IGLON5: variants seen among roughly 807,000 people sequenced by gnomAD.
The protein encoded by IGLON5 is Ig-like domain-containing protein ENSP00000270642.
A neutral mutation model predicts 38.2 loss-of-function variants in IGLON5; 16 were observed. The observed-to-expected ratio is 0.42, with a 90% confidence interval of 0.28 to 0.64. IGLON5 has a LOEUF of 0.64. Ranked by LOEUF, IGLON5 falls within the 30% of genes least tolerant of loss-of-function variation. The pLI, the probability that IGLON5 is intolerant of heterozygous loss-of-function variation, is 0.23. For missense variants in IGLON5, 366 were observed against 483.4 expected (o/e 0.76, Z 2.28); for synonymous variants, 207 against 216.4 (o/e 0.96, Z 0.38).
intron 2 of IGLON5, among the ~76,000 whole-genome samples, 162 bp downstream of exon 2, chr19:51,322,304 C>T (rs980379023): frequency 1.3e-5 from 2 of 152,130 alleles, no homozygotes; most frequent in Non-Finnish European, 2.9e-5. Flanking sequence ...CTGGCTCCCC[C>T]TCGGCTTCAG....
At chr19:51,328,386 C>T (rs753251732) in intron 7 of IGLON5, among the ~76,000 whole-genome samples, 8 of 150,942 alleles carry the variant, frequency 5.3e-5, no homozygotes, top group Non-Finnish European at 1.2e-4. Context: ...GTGATGGGCA[C>T]CTGTGGTCCT....
intron 2 of IGLON5, among the ~76,000 whole-genome samples, chr19:51,322,465 GAGATCCAGAGAGAA>G (rs1267623503): frequency 6.7e-5 from 10 of 148,898 alleles, no homozygotes; most frequent in Admixed American, 4.0e-4. Flanking sequence ...GAAGGGGACA[GAGATCCAGAGAGAA>G]GGGGACAGAG....
At chr19:51,326,737 G>A in intron 4 of IGLON5, 27 bp from the exon 5 acceptor site, 2 of 1,463,476 alleles carry the variant, frequency 1.4e-6, no homozygotes, top group Non-Finnish European at 1.8e-6. Flanking sequence ...GTCCGGCCCC[G>A]CCCCCTCCTC....
intron 1 of IGLON5, among the ~76,000 whole-genome samples, chr19:51,321,058 C>T (rs933759445): frequency 6.6e-6 from 1 of 152,102 alleles, no homozygotes; most frequent in South Asian, 2.1e-4. Context: ...TGTATCTGTG[C>T]ATAAGTGTTC....
At chr19:51,319,799 G>T (rs1396467009) in intron 1 of IGLON5, among the ~76,000 whole-genome samples, 1 of 152,070 alleles carries the variant, frequency 6.6e-6, no homozygotes, top group Non-Finnish European at 1.5e-5. Context: ...ATACACACCT[G>T]TCCCTCTGAG....
At chr19:51,315,485 G>A (rs555083462) in intron 1 of IGLON5, among the ~76,000 whole-genome samples, 28 of 152,240 alleles carry the variant, frequency 1.8e-4, no homozygotes, top group African/African-American at 4.3e-4. Flanking sequence ...CTGTCCTCAC[G>A]GAGCTTAGAT....
Position 51,323,752 on chromosome 19 carries a change from G to T in IGLON5, c.249G>T (p.Pro83=). The part of the protein sequence containing the change: ...YAGNDRWTSD[P]RVRLLINTPE... ...GCAATGACCGCTGGACCAGCGACCC[G>T]CGGGTGCGGCTGCTCATCAACACCC... is the stretch of plus-strand genomic sequence containing the variant. The change falls in exon 3 of 8, where the codon CCG becomes CCT. Residue 83 remains proline (P), a synonymous_variant. Transcript: ENST00000270642. 6.2e-7 allele frequency: 1 copy of T among 1,613,922 alleles called. No homozygotes were observed. The highest frequency in any genetic ancestry group is 8.5e-7 in the Non-Finnish European group (1 of 1,179,886).
intron 1 of IGLON5, among the ~76,000 whole-genome samples, chr19:51,313,684 TTTCTTTCTTTC>T (rs780412566): frequency 0.13 from 11,007 of 87,462 alleles, 632 homozygotes; most frequent in Middle Eastern, 0.23. Flanking sequence ...TCTTTCTTTC[TTTCTTTCTTTC>T]TTCTTTCTTC....
intron 5 of IGLON5, 87 bp from the exon 6 acceptor site, chr19:51,326,993 A>G (rs1985233200): frequency 3.2e-6 from 5 of 1,584,280 alleles, no homozygotes; most frequent in Non-Finnish European, 4.3e-6. Flanking sequence ...GGCGAGACTT[A>G]CGGGCCTGAG....
In IGLON5 at chr19:51,323,776, C is replaced by A; in HGVS notation, c.273C>A (p.Thr91=). ...CGCGGGTGCGGCTGCTCATCAACAC[C>A]CCCGAGGAGTTCTCCATCCTCATCA... ...SDPRVRLLIN[T]PEEFSILITE... The change falls in exon 3 of 8, where the codon ACC becomes ACA. Residue 91 remains threonine (T), a synonymous_variant. Coordinates refer to ENST00000270642, the MANE Select transcript of IGLON5 (RefSeq NM_001101372.3). 1 of 1,613,950 alleles carries A rather than the reference C, an allele frequency of 6.2e-7. No individual in the cohort carries two copies. The highest frequency in any genetic ancestry group is 8.5e-7 in the Non-Finnish European group (1 of 1,179,872).
Position 51,327,287 on chromosome 19 carries a change from G to T in IGLON5, c.767+87G>T. ...GTGAGGCAGGGGGACGGAGCGGGGC[G>T]GGGGAAGGCAGCAGAGCTCTGGGTC... is the stretch of plus-strand genomic sequence containing the variant. On this transcript the variant is annotated intron_variant, in intron 6 of 7. Coordinates refer to ENST00000270642, the MANE Select transcript of IGLON5 (RefSeq NM_001101372.3). This position sits in a 1 kb window ranked among gnomAD's most constrained non-coding sequence, Gnocchi z 7.1. 11 of 1,522,804 alleles carry T rather than the reference G, an allele frequency of 7.2e-6. No individual in the cohort carries two copies. The highest frequency in any genetic ancestry group is 9.7e-6 in the Non-Finnish European group (11 of 1,130,282). The allele number at this position is 1,522,804 out of a possible 1,614,324, so 94.3% of individuals were successfully genotyped here.
intron 2 of IGLON5, 77 bp from the exon 3 acceptor site, chr19:51,323,585 T>G: frequency 7.8e-7 from 1 of 1,288,954 alleles, no homozygotes; most frequent in Non-Finnish European, 1.1e-6. Flanking sequence ...GGCCTCCTTC[T>G]CCCACCCACC....
chr19:51,325,749 T>C lies in IGLON5; in HGVS notation c.511+284T>C, dbSNP rs1338110394. 6.6e-6 allele frequency among the ~76,000 whole-genome samples: 1 copy of C among 151,954 alleles called. No individual in the cohort carries two copies. The highest frequency in any genetic ancestry group is 1.5e-5 in the Non-Finnish European group (1 of 67,996). On this transcript the variant is annotated intron_variant, in intron 4 of 7. Transcript: ENST00000270642. The surrounding 1 kb of genome is among the most constrained non-coding windows in gnomAD (Gnocchi z 5.5). ...CCCCAACCCCAGTGTCCCCGATGTC[T>C]CCCCACGCGCTCACAGCATTCTCCT...
intron 1 of IGLON5, among the ~76,000 whole-genome samples, chr19:51,315,688 CTTTTT>C (rs756194855): frequency 6.4e-4 from 53 of 82,590 alleles, no homozygotes; most frequent in Admixed American, 6.8e-4. Context: ...GGAAGTCAAC[CTTTTT>C]TTTTTTTTTT....
In IGLON5 at chr19:51,324,731, C is replaced by A. The variant is rs1412604075; in HGVS notation, c.392-615C>A. Among the ~76,000 whole-genome samples, 1 of 151,632 alleles carries A rather than the reference C, an allele frequency of 6.6e-6. No individual in the cohort carries two copies. Among genetic ancestry groups the A allele is most frequent in the Non-Finnish European group, 1.5e-5 (1 of 67,990 alleles). On this transcript the variant is annotated intron_variant, in intron 3 of 7. Transcript: ENST00000270642. This position sits in a 1 kb window ranked among gnomAD's most constrained non-coding sequence, Gnocchi z 4.2. The stretch of plus-strand genomic sequence containing the variant: ...TACTAGAAAAGAAAAAACAAAAACA[C>A]TGCCAGCGATACCCTGGCATCCTAT...
intron 1 of IGLON5, 32 bp downstream of exon 1, chr19:51,311,958 C>A: frequency 8.2e-7 from 1 of 1,213,638 alleles, no homozygotes; most frequent in Non-Finnish European, 1.1e-6. Context: ...GGGGCTCGGC[C>A]GGGACGCCAG....
intron 7 of IGLON5, 146 bp downstream of exon 7, chr19:51,328,032 C>T: frequency 1.1e-5 from 9 of 856,350 alleles, no homozygotes; most frequent in Non-Finnish European, 1.5e-5. Flanking sequence ...AGTAAGAAAC[C>T]GATCCACGCA....
intron 2 of IGLON5, among the ~76,000 whole-genome samples, chr19:51,323,182 GTC>G (rs146673897): frequency 2.4e-4 from 29 of 119,242 alleles, no homozygotes; most frequent in South Asian, 1.4e-3. Flanking sequence ...CTCTCTCTGG[GTC>G]TCTCTCTCTC....
intron 1 of IGLON5, among the ~76,000 whole-genome samples, chr19:51,321,826 T>C (rs759247484): frequency 6.6e-6 from 1 of 152,228 alleles, no homozygotes; most frequent in Non-Finnish European, 1.5e-5. Flanking sequence ...ATGTGTCTGC[T>C]GTGATTGTGT....
Sources: gnomAD v4.1 joint callset for allele counts (sites outside exome capture counted in the v4.1 genomes callset) on GRCh38, gnomAD v4.1.1 for gene constraint, Gnocchi (gnomAD v3.1) non-coding constraint, MANE v1.5 for transcripts, NCBI Gene and HGNC (gene_info 2026-07-23, HGNC 2026-07-21) for gene names.